The following NCKAP1 variants were observed in gnomAD, a reference collection of about 807,000 sequenced individuals.
The protein encoded by NCKAP1 is nck-associated protein 1.
Under a neutral mutation model 151.2 loss-of-function variants are expected in NCKAP1, and 21 were observed. The ratio of observed to expected loss-of-function variants is 0.14; its 90% CI spans 0.10 to 0.20. The LOEUF is 0.20. NCKAP1 is among the 10% of genes least tolerant of loss of function. The probability of loss-of-function intolerance (pLI) is 1.00; values close to 1 mark genes in which losing one functional copy is unlikely to be tolerated. For synonymous variants in NCKAP1, 484 were observed against 451.8 expected, an observed-to-expected ratio of 1.07 and a Z score of -0.90; for missense variants, 933 against 1,352.1, an observed-to-expected ratio of 0.69 and a Z score of 4.86.
At chr2:182,981,908 CAA>C (rs77694869) in intron 12 of NCKAP1, among the ~76,000 whole-genome samples, 8 of 51,880 alleles carry the variant, frequency 1.5e-4, no homozygotes, top group African/African-American at 3.7e-4. Context: ...AACTCCGTCT[CAA>C]AAAAAAAAAA....
intron 2 of NCKAP1, 77 bp from the exon 3 acceptor site, chr2:183,003,402 T>C (rs1443795756): frequency 3.4e-6 from 3 of 881,834 alleles, no homozygotes; most frequent in Admixed American, 4.9e-5. Flanking sequence ...TCTTCTTTTA[T>C]GACTGCTATA....
intron 14 of NCKAP1, 108 bp from the exon 15 acceptor site, chr2:182,977,059 C>A: frequency 1.6e-6 from 1 of 629,648 alleles, no homozygotes; most frequent in South Asian, 3.8e-5. Context: ...TCTGAGTATA[C>A]CTAAAACAAT....
In NCKAP1 at chr2:182,913,428, G is replaced by T. The variant is rs779857641; in HGVS notation, c.*12274C>A. 3 of 152,122 alleles carry T rather than the reference G, an allele frequency of 2.0e-5. No homozygotes were observed. The highest frequency in any genetic ancestry group is 4.4e-5 in the Non-Finnish European group (3 of 68,050). 9.4% of individuals were successfully genotyped at this position (152,122 alleles called of 1,614,324 possible). A position where few individuals can be genotyped will look rare whatever the true frequency, so the allele number is the denominator to read the frequency against. The stretch of plus-strand genomic sequence containing the variant: ...GGATTGATGGGCTATCAAGGGAGTG[G>T]GTTAGTTACCACAAAAGTGAGTCTG... On this transcript the variant is annotated 3_prime_UTR_variant, in exon 31 of 31. Transcript: ENST00000361354.
intron 15 of NCKAP1, among the ~76,000 whole-genome samples, chr2:182,976,544 GAA>G (rs951759845): frequency 5.3e-5 from 8 of 152,160 alleles, no homozygotes; most frequent in African/African-American, 1.9e-4. Flanking sequence ...TTCTTTATTA[GAA>G]AAAGTTTGCT....
chr2:182,931,354 G>A (rs1387807825), intron 26 of NCKAP1, among the ~76,000 whole-genome samples: 2 of 151,968 alleles, frequency 1.3e-5, no homozygotes, highest in Admixed American at 6.6e-5. Context: ...AATAACCTCA[G>A]AAGAAAGCTA....
intron 8 of NCKAP1, among the ~76,000 whole-genome samples, chr2:182,992,678 T>C (rs995399964): frequency 1.3e-5 from 2 of 152,148 alleles, no homozygotes; most frequent in African/African-American, 4.8e-5. Flanking sequence ...ACCTGGTCAA[T>C]GTAAAAAATA....
chr2:182,941,567 A>G (rs1575019315), intron 24 of NCKAP1, among the ~76,000 whole-genome samples: 1 of 152,252 alleles, frequency 6.6e-6, no homozygotes, highest in East Asian at 1.9e-4. Flanking sequence ...TAGGAGACCA[A>G]CTACAAAGAG....
rs1319982223 is a variant in NCKAP1, at chr2:182,909,936, A to C, written c.*15766T>G. On this transcript the variant is annotated 3_prime_UTR_variant, in exon 31 of 31. Coordinates refer to ENST00000361354, the MANE Select transcript of NCKAP1 (RefSeq NM_013436.5). The stretch of plus-strand genomic sequence containing the variant: ...ACAAATTCTGTCACATTTGGTGTTC[A>C]GACACGTATAACCAAGTCTGTTGGA... 6.6e-6 allele frequency: 1 copy of C among 152,242 alleles called. No individual in the cohort carries two copies. The highest frequency in any genetic ancestry group is 1.9e-4 in the East Asian group (1 of 5,198). The allele number at this position is 152,242 out of a possible 1,614,324, so 9.4% of individuals were successfully genotyped here. A position where few individuals can be genotyped will look rare whatever the true frequency, so the allele number is the denominator to read the frequency against.
chr2:182,987,885 G>T (rs1288129526), intron 9 of NCKAP1, among the ~76,000 whole-genome samples: 1 of 152,242 alleles, frequency 6.6e-6, no homozygotes, highest in East Asian at 1.9e-4. Context: ...AAGGAGTGGG[G>T]GGGGAGTGGG....
chr2:183,037,322 G>A (rs1334171842), intron 1 of NCKAP1, among the ~76,000 whole-genome samples: 2 of 152,296 alleles, frequency 1.3e-5, no homozygotes, highest in East Asian at 1.9e-4. Context: ...AGAGTAGAAG[G>A]TTGTTATTCC....
At chr2:182,988,335 T>C (rs990675988) in intron 9 of NCKAP1, among the ~76,000 whole-genome samples, 1 of 152,216 alleles carries the variant, frequency 6.6e-6, no homozygotes, top group African/African-American at 2.4e-5. Flanking sequence ...CACTGTTATC[T>C]GAAGCTAGGA....
In NCKAP1 at chr2:182,968,122, G is replaced by A. The variant is rs566339945; in HGVS notation, c.1483-761C>T. Among the ~76,000 whole-genome samples the A allele has an allele frequency of 2.2e-4, 34 of 152,306 alleles. 1 individual carries two copies. Among genetic ancestry groups the A allele is most frequent in the African/African-American group, 7.2e-4 (30 of 41,566 alleles). ...AGATGGTGAACAGCCTGTATACCAC[G>A]TTAAAGAATTTAAACTTTTTAGTGA... On this transcript the variant is annotated intron_variant, in intron 15 of 30. Transcript: ENST00000361354.
chr2:182,932,428 T>C (rs1201128346), intron 26 of NCKAP1, among the ~76,000 whole-genome samples: 1 of 152,124 alleles, frequency 6.6e-6, no homozygotes, highest in East Asian at 1.9e-4. Context: ...GAAAGTAGAT[T>C]AGTCGTTGCC....
Position 182,964,753 on chromosome 2 carries a change from G to C in NCKAP1, c.1684C>G (p.Gln562Glu). The C allele has an allele frequency of 6.2e-7, 1 of 1,610,728 alleles. No individual in the cohort carries two copies. The highest frequency in any genetic ancestry group is 8.5e-7 in the Non-Finnish European group (1 of 1,178,072). ...MFQQCLELPS[Q>E]SRYSIAFPLL... ...GGAAATGCAATTGAGTATCTTGATT[G>C]AGAGGGTAACTCCAAACACTGTTGA... Residue 562 changes from glutamine to glutamate, a missense_variant, in exon 17 of 31, where the codon CAA becomes GAA. By Grantham distance (29) the Gln-to-Glu change is conservative. Coordinates refer to ENST00000361354, the MANE Select transcript of NCKAP1 (RefSeq NM_013436.5).
chr2:183,036,174 A>G (rs1403376785), intron 1 of NCKAP1, among the ~76,000 whole-genome samples: 1 of 152,242 alleles, frequency 6.6e-6, no homozygotes, highest in Non-Finnish European at 1.5e-5. Context: ...GAATTATTAG[A>G]GTTCAAATGC....
At chr2:183,007,995 C>T (rs756858213) in intron 2 of NCKAP1, among the ~76,000 whole-genome samples, 46 of 152,078 alleles carry the variant, frequency 3.0e-4, no homozygotes, top group Non-Finnish European at 5.4e-4. Flanking sequence ...GGCACAATCT[C>T]GGCTCACTGC....
At chr2:182,953,674 T>C (rs115645391) in intron 20 of NCKAP1, among the ~76,000 whole-genome samples, 3,180 of 152,142 alleles carry the variant, frequency 0.021, 104 homozygotes, top group African/African-American at 0.068. Flanking sequence ...GGCACATGCC[T>C]GTAATCCTGG....
chr2:182,979,692 G>A (rs1025252662), intron 13 of NCKAP1, among the ~76,000 whole-genome samples: 2 of 152,014 alleles, frequency 1.3e-5, no homozygotes, highest in East Asian at 3.8e-4. Context: ...AAATTTATAT[G>A]CTAGCAAATG....
In NCKAP1 at chr2:183,038,120, C is replaced by CGCCGCCG; in HGVS notation, c.-28_-22dup. The CGCCGCCG allele has an allele frequency of 2.6e-6, 4 of 1,515,982 alleles. No individual in the cohort carries two copies. Among genetic ancestry groups the CGCCGCCG allele is most frequent in the Non-Finnish European group, 3.5e-6 (4 of 1,138,998 alleles). The allele number at this position is 1,515,982 out of a possible 1,614,324, so 93.9% of individuals were successfully genotyped here. A position where few individuals can be genotyped will look rare whatever the true frequency, so the allele number is the denominator to read the frequency against. The stretch of plus-strand genomic sequence containing the variant: ...GACATGGTGGTGCTGGTGCCGCCGC[C>CGCCGCCG]GCCGCCGGCCGCCTCGCGCCCAGTC... On this transcript the variant is annotated 5_prime_UTR_variant, in exon 1 of 31. Coordinates refer to ENST00000361354, the MANE Select transcript of NCKAP1 (RefSeq NM_013436.5).
Sources: allele counts gnomAD v4.1 joint callset (sites outside exome capture counted in the v4.1 genomes callset), GRCh38; gene constraint gnomAD v4.1.1; transcripts MANE v1.5; gene names NCBI Gene and HGNC (gene_info 2026-07-23, HGNC 2026-07-21).